HIVEP1: variants seen among roughly 807,000 people sequenced by gnomAD.
The protein encoded by HIVEP1 is HIVEP zinc finger 1, also known as zinc finger protein 40.
Under a neutral mutation model 180.0 loss-of-function variants are expected in HIVEP1, and 36 were observed. That is an observed-to-expected ratio of 0.20 (90% confidence interval 0.15 to 0.26). HIVEP1 has a LOEUF of 0.26. HIVEP1 is among the 10% of genes least tolerant of loss of function. HIVEP1 has a pLI of 1.00. For missense variants in HIVEP1, 3,143 were observed against 3,268.7 expected, an observed-to-expected ratio of 0.96 and a Z score of 0.94; for synonymous variants, 1,239 against 1,239.0, an observed-to-expected ratio of 1.00 and a Z score of 0.00.
chr6:12,011,894 C>T (rs1385278424), upstream of HIVEP1: 23 of 143,450 alleles, frequency 1.6e-4, no homozygotes, highest in Non-Finnish European at 2.3e-4. Context: ...GCGTCGCCGC[C>T]CGCGGCCTCC....
chr6:12,082,479 G>A (rs568846865), intron 2 of HIVEP1, among the ~76,000 whole-genome samples: 1 of 151,990 alleles, frequency 6.6e-6, no homozygotes, highest in Non-Finnish European at 1.5e-5. Flanking sequence ...AAAAGATAGG[G>A]TTTTCTAAGA....
chr6:12,202,147 ATATTT>A, the HIVEP1 span, among the ~76,000 whole-genome samples: 1 of 151,908 alleles, frequency 6.6e-6, no homozygotes. Flanking sequence ...CTTTTCTTCT[ATATTT>A]TATTTTATTT....
chr6:12,050,323 C>T (rs1026559194), intron 2 of HIVEP1, among the ~76,000 whole-genome samples: 8 of 152,196 alleles, frequency 5.3e-5, no homozygotes, highest in Admixed American at 3.3e-4. Context: ...CGCTGGCTCA[C>T]GCCTGTAATC....
intron 3 of HIVEP1, among the ~76,000 whole-genome samples, chr6:12,089,556 C>T (rs923598812): frequency 2.0e-5 from 3 of 151,350 alleles, no homozygotes; most frequent in Middle Eastern, 3.5e-3. Flanking sequence ...CACAGTTGGC[C>T]GTGTCCATGC....
chr6:12,060,313 G>A (rs1771142601), intron 2 of HIVEP1, among the ~76,000 whole-genome samples: 1 of 152,120 alleles, frequency 6.6e-6, no homozygotes, highest in South Asian at 2.1e-4. Flanking sequence ...CATTATATTT[G>A]CTTCTTTAAA....
downstream of HIVEP1, among the ~76,000 whole-genome samples, chr6:12,166,896 A>G (rs920808516): frequency 2.6e-5 from 4 of 152,216 alleles, no homozygotes; most frequent in African/African-American, 9.6e-5. Flanking sequence ...ATCCACTGCA[A>G]TGCCATCATC....
At chr6:12,012,155 C>A (rs930220493), upstream of HIVEP1, 1 of 142,880 alleles carries the variant, frequency 7.0e-6, no homozygotes, top group African/African-American at 2.5e-5. Flanking sequence ...CTGCCCGGCT[C>A]CCTGGCGGCC....
At chr6:12,062,578 T>C (rs570175276) in intron 2 of HIVEP1, among the ~76,000 whole-genome samples, 1 of 152,332 alleles carries the variant, frequency 6.6e-6, no homozygotes, top group South Asian at 2.1e-4. Flanking sequence ...TTTGAGTATT[T>C]GTTAGACAAT....
At chr6:12,165,558 C>G (rs1353839990), downstream of HIVEP1, among the ~76,000 whole-genome samples, 1 of 152,220 alleles carries the variant, frequency 6.6e-6, no homozygotes, top group Non-Finnish European at 1.5e-5. Context: ...ATTTCCTGTC[C>G]TGGAAGGTTG....
In HIVEP1 at chr6:12,033,223, A is replaced by G. The variant is rs911447913; in HGVS notation, c.40+17555A>G. Among the ~76,000 whole-genome samples, 7 of 152,312 alleles carry G rather than the reference A, an allele frequency of 4.6e-5. No homozygotes were observed. In the East Asian group the frequency reaches 9.6e-4, roughly 21 times the overall value. On this transcript the variant is annotated intron_variant, in intron 2 of 8. Transcript: ENST00000379388. ...ATTGAAGGTAGGCTAGGTTGTTACA[A>G]TGCTTGGTAGGTTATGGTGTATTAA...
chr6:12,204,958 G>A, the HIVEP1 span, among the ~76,000 whole-genome samples: 4 of 152,200 alleles, frequency 2.6e-5, no homozygotes, highest in African/African-American at 4.8e-5. Flanking sequence ...GAAAGCTGGG[G>A]GAAAAGCATG....
chr6:12,193,250 T>C, the HIVEP1 span, among the ~76,000 whole-genome samples: 1 of 152,216 alleles, frequency 6.6e-6, no homozygotes, highest in Admixed American at 6.5e-5. Context: ...AATTTACTTA[T>C]CCTATTTCCC....
the HIVEP1 span, among the ~76,000 whole-genome samples, chr6:12,181,505 G>A: frequency 6.6e-6 from 1 of 151,974 alleles, no homozygotes; most frequent in South Asian, 2.1e-4. Context: ...CAACCTCCTG[G>A]TCTCAAGCAA....
At chr6:12,009,023 C>T (rs13196360), upstream of HIVEP1, 60,738 of 152,360 alleles carry the variant, frequency 0.4, 13,067 homozygotes, top group Non-Finnish European at 0.49. Flanking sequence ...GAAAGCCCAG[C>T]GCGCGCGGAG....
chr6:12,162,684 G>A (rs775387972), intron 8 of HIVEP1, among the ~76,000 whole-genome samples: 10 of 152,192 alleles, frequency 6.6e-5, no homozygotes, highest in Non-Finnish European at 1.5e-4. Flanking sequence ...GGCAGATTGT[G>A]CTGTAAGCGT....
At chr6:12,126,962 A>C (rs1758110338) in intron 4 of HIVEP1, among the ~76,000 whole-genome samples, 1 of 152,048 alleles carries the variant, frequency 6.6e-6, no homozygotes, top group African/African-American at 2.4e-5. Flanking sequence ...GGTTCAAGCA[A>C]CCCTCCTGTC....
At chr6:12,011,269 G>GGC (rs1767266720), upstream of HIVEP1, among the ~76,000 whole-genome samples, 1 of 75,676 alleles carries the variant, frequency 1.3e-5, no homozygotes, top group Admixed American at 1.3e-4. Context: ...CCCCCTTGGG[G>GGC]TCCCCCCCCC....
chr6:12,129,706 C>T (rs551692364), intron 4 of HIVEP1, 53 bp from the exon 5 acceptor site: 3 of 1,393,480 alleles, frequency 2.2e-6, no homozygotes, highest in African/African-American at 1.4e-5. Context: ...GAAAGATTAG[C>T]ATGCTTGTGT....
At chr6:12,038,065 A>C (rs1009757163) in intron 2 of HIVEP1, 7 of 289,156 alleles carry the variant, frequency 2.4e-5, no homozygotes, top group African/African-American at 1.5e-4. Context: ...AAAAAAATTA[A>C]GGAACCTGAT....
Sources: allele counts gnomAD v4.1 joint callset (sites outside exome capture counted in the v4.1 genomes callset), GRCh38; gene constraint gnomAD v4.1.1; transcripts MANE v1.5; gene names NCBI Gene and HGNC (gene_info 2026-07-23, HGNC 2026-07-21).